INTS13: variants seen among roughly 807,000 people sequenced by gnomAD.
INTS13 encodes the protein asunder, spermatogenesis regulator homolog (Drosphila).
Under a neutral mutation model 90.2 loss-of-function variants are expected in INTS13, and 35 were observed. That is an observed-to-expected ratio of 0.39 (90% confidence interval 0.30 to 0.51). INTS13 has a LOEUF of 0.51. Among genes scored for constraint, INTS13 ranks in the 20% least tolerant of loss-of-function variants. The probability of loss-of-function intolerance (pLI) is 0.80; values close to 1 mark genes in which losing one functional copy is unlikely to be tolerated. For synonymous variants in INTS13, 309 were observed against 277.1 expected, an observed-to-expected ratio of 1.11 and a Z score of -1.14; for missense variants, 601 against 851.2, an observed-to-expected ratio of 0.71 and a Z score of 3.66.
intron 12 of INTS13, 115 bp downstream of exon 12, chr12:26,914,293 C>T (rs561094451): frequency 1.6e-4 from 198 of 1,226,640 alleles, no homozygotes; most frequent in Admixed American, 2.3e-4. Flanking sequence ...CTTTAGCAAG[C>T]TCATATATTT....
intron 1 of INTS13, 115 bp from the exon 2 acceptor site, chr12:26,936,929 A>G (rs1938494746): frequency 4.3e-6 from 3 of 693,032 alleles, no homozygotes; most frequent in Non-Finnish European, 7.2e-6. Flanking sequence ...AACATGAATA[A>G]TATGTTCAAA....
At chr12:26,928,383 A>C in intron 4 of INTS13, 98 bp from the exon 5 acceptor site, 3 of 961,596 alleles carry the variant, frequency 3.1e-6, no homozygotes, top group Non-Finnish European at 3.3e-6. Context: ...ATAGACATTT[A>C]AAGTTACTTC....
chr12:26,911,391 T>G (rs1318768828), intron 14 of INTS13, 74 bp from the exon 15 acceptor site: 1 of 1,300,066 alleles, frequency 7.7e-7, no homozygotes, highest in Non-Finnish European at 1.0e-6. Context: ...TTAAACTAAC[T>G]TTGCATATCA....
chr12:26,927,162 T>C (rs150867585), intron 5 of INTS13, among the ~76,000 whole-genome samples: 23 of 152,358 alleles, frequency 1.5e-4, no homozygotes, highest in African/African-American at 5.1e-4. Context: ...ACTGAAGTGT[T>C]TCCCTGAGTT....
At chr12:26,922,352 C>T (rs1019288816) in intron 8 of INTS13, among the ~76,000 whole-genome samples, 2 of 152,150 alleles carry the variant, frequency 1.3e-5, no homozygotes, top group Non-Finnish European at 2.9e-5. Flanking sequence ...ATTCATATAA[C>T]TTTCATTATA....
chr12:26,905,414 C>A lies in INTS13; in HGVS notation c.*83G>T. On this transcript the variant is annotated 3_prime_UTR_variant, in exon 17 of 17. Coordinates refer to ENST00000261191, the MANE Select transcript of INTS13 (RefSeq NM_018164.3). ...AACCAGTCCAGGCAACATAACTATACCATCTTGCTGTAAAAGTACTTATAT... is the reference window on the plus strand; with the variant it reads ...AACCAGTCCAGGCAACATAACTATAACATCTTGCTGTAAAAGTACTTATAT... 1 of 1,268,822 alleles carries A rather than the reference C, an allele frequency of 7.9e-7. No homozygotes were observed. The highest frequency in any genetic ancestry group is 1.1e-6 in the Non-Finnish European group (1 of 882,800). The allele number at this position is 1,268,822 out of a possible 1,614,324, so 78.6% of individuals were successfully genotyped here. A position where few individuals can be genotyped will look rare whatever the true frequency, so the allele number is the denominator to read the frequency against.
chr12:26,926,076 TGTGA>T (rs374787598), intron 5 of INTS13, among the ~76,000 whole-genome samples: 364 of 152,268 alleles, frequency 2.4e-3, no homozygotes, highest in African/African-American at 8.1e-3. Flanking sequence ...AAATAATAAT[TGTGA>T]GTGTCTGAAG....
chr12:26,930,641 T>C (rs1938137883), intron 3 of INTS13, among the ~76,000 whole-genome samples: 2 of 152,252 alleles, frequency 1.3e-5, no homozygotes, highest in Non-Finnish European at 2.9e-5. Flanking sequence ...AAGCAATGAA[T>C]GGGATATCGT....
chr12:26,924,631 A>G (rs1937766941), intron 6 of INTS13, 148 bp from the exon 7 acceptor site: 2 of 876,104 alleles, frequency 2.3e-6, no homozygotes, highest in Non-Finnish European at 3.4e-6. Context: ...AACCATGACA[A>G]TTATTTTAGC....
chr12:26,928,431 A>G (rs1938005302), intron 4 of INTS13, 146 bp from the exon 5 acceptor site: 1 of 712,944 alleles, frequency 1.4e-6, no homozygotes, highest in African/African-American at 1.8e-5. Context: ...TCATACCACT[A>G]AACAACTAGC....
At chr12:26,935,938 A>G (rs1938435829) in intron 2 of INTS13, among the ~76,000 whole-genome samples, 1 of 152,218 alleles carries the variant, frequency 6.6e-6, no homozygotes, top group Admixed American at 6.5e-5. Context: ...AAACTTTAAT[A>G]CCTGTAATTT....
rs1335792085 is a variant in INTS13 at position 26,906,351 on chromosome 12, A to G, written c.2032T>C (p.Ser678Pro). The G allele has an allele frequency of 1.9e-6, 3 of 1,612,944 alleles. No homozygotes were observed. The highest frequency in any genetic ancestry group is 1.7e-5 in the Admixed American group (1 of 59,884). ...TATAGTTCAGCTCTGTTATTAACAG[A>G]GTTCAAACGTCCAGCAAATTCCTGA... ...KHQEFAGRLNSVNNRAELYQH... is the reference protein window; with the variant it reads ...KHQEFAGRLNPVNNRAELYQH... Residue 678 changes from serine (S) to proline (P), a missense_variant, in exon 16 of 17, where the codon TCT becomes CCT. Ser to Pro is a moderately conservative substitution (Grantham distance 74). Coordinates refer to ENST00000261191, the MANE Select transcript of INTS13 (RefSeq NM_018164.3).
chr12:26,925,533 GATAAA>G (rs1346211298), intron 6 of INTS13, among the ~76,000 whole-genome samples: 2 of 151,902 alleles, frequency 1.3e-5, no homozygotes, highest in Non-Finnish European at 2.9e-5. Flanking sequence ...AACACATTTT[GATAAA>G]ATAAACAAAC....
chr12:26,931,145 A>G (rs1248036253), intron 3 of INTS13, among the ~76,000 whole-genome samples: 1 of 151,878 alleles, frequency 6.6e-6, no homozygotes, highest in Admixed American at 6.6e-5. Context: ...AAATTAAAAA[A>G]AAAAACAGAA....
rs139347680 is a variant in INTS13, at chr12:26,913,000, G to A, written c.1805+457C>T. 5.9e-3 allele frequency among the ~76,000 whole-genome samples: 902 copies of A among 152,132 alleles called. 9 individuals are homozygous for A. Among genetic ancestry groups the A allele is most frequent in the African/African-American group, 0.021 (861 of 41,466 alleles). ...CCCGCCTCGGCCTCCCAAAGTGCTG[G>A]GATTACAGGTGTGAACCACTGCACC... On this transcript the variant is annotated intron_variant, in intron 14 of 16. Transcript: ENST00000261191.
At chr12:26,934,746 T>C in intron 2 of INTS13, 116 bp from the exon 3 acceptor site, 1 of 826,326 alleles carries the variant, frequency 1.2e-6, no homozygotes, top group Non-Finnish European at 2.0e-6. Flanking sequence ...CATTCTTCTT[T>C]TTATAGTTAC....
intron 15 of INTS13, 54 bp from the exon 16 acceptor site, chr12:26,906,491 T>C (rs1444467786): frequency 4.0e-6 from 6 of 1,495,184 alleles, no homozygotes; most frequent in Non-Finnish European, 4.5e-6. Context: ...ATTTATTATT[T>C]CCAAATTTCC....
intron 3 of INTS13, 72 bp from the exon 4 acceptor site, chr12:26,928,977 A>G: frequency 7.4e-7 from 1 of 1,342,322 alleles, no homozygotes. Context: ...CAAGAAAGAA[A>G]ACTACACACC....
At chr12:26,924,225 T>G (rs1426947385) in intron 7 of INTS13, 130 bp downstream of exon 7, 1 of 916,128 alleles carries the variant, frequency 1.1e-6, no homozygotes, top group African/African-American at 1.7e-5. Flanking sequence ...ACTCCTGGCC[T>G]CAAGTGATCC....
Sources: gnomAD v4.1 joint callset for allele counts (sites outside exome capture counted in the v4.1 genomes callset) on GRCh38, gnomAD v4.1.1 for gene constraint, MANE v1.5 for transcripts, NCBI Gene and HGNC (gene_info 2026-07-23, HGNC 2026-07-21) for gene names.